UNC5D: variants seen among roughly 807,000 people sequenced by gnomAD.
UNC5D encodes netrin receptor UNC5D.
In UNC5D, 39 loss-of-function variants were observed where a neutral mutation model predicts 105.4. The observed-to-expected ratio is 0.37, with a 90% CI of 0.29 to 0.48. The LOEUF (loss-of-function observed/expected upper bound fraction) is 0.48. UNC5D is among the 20% of genes least tolerant of loss of function. The pLI is 0.98. For missense variants in UNC5D, 991 were observed against 1,202.4 expected (o/e 0.82, Z 2.60); for synonymous variants, 452 against 450.4 (o/e 1.00, Z -0.04).
rs34641053 is a variant in UNC5D at position 35,631,313 on chromosome 8, CA to C, written c.570+35670del. Among the ~76,000 whole-genome samples, 963 of 145,696 alleles carry C rather than the reference CA, an allele frequency of 6.6e-3. 7 individuals are homozygous for C. The highest frequency in any genetic ancestry group is 0.023 in the African/African-American group (918 of 39,646). ...TGGGCAACAGAGTGAGACCCTGTCT[CA>C]AAAAAAAAAAAAATCATTTGGCCTG... is the stretch of plus-strand genomic sequence containing the variant. On this transcript the variant is annotated intron_variant, in intron 4 of 16. Coordinates refer to ENST00000404895, the MANE Select transcript of UNC5D (RefSeq NM_080872.4).
chr8:35,569,435 T>G lies in UNC5D; in HGVS notation c.466+1194T>G, dbSNP rs369652272. 3.9e-5 allele frequency among the ~76,000 whole-genome samples: 6 copies of G among 152,084 alleles called. No homozygotes were observed. The East Asian group carries it at 9.7e-4, about 25-fold the overall frequency. ...ATGGTTTAGAGATTAATAATAGGAG[T>G]GAATTGCTATTTGCAGAGACATTTA... On this transcript the variant is annotated intron_variant, in intron 3 of 16. Transcript: ENST00000404895.
intron 4 of UNC5D, among the ~76,000 whole-genome samples, chr8:35,656,797 A>T (rs1300349783): frequency 6.6e-6 from 1 of 152,092 alleles, no homozygotes; most frequent in East Asian, 1.9e-4. Context: ...AGCACAGTTC[A>T]GGAAGAATTT....
At chr8:35,281,430 T>C (rs1475614140) in intron 1 of UNC5D, among the ~76,000 whole-genome samples, 2 of 151,924 alleles carry the variant, frequency 1.3e-5, no homozygotes, top group Non-Finnish European at 1.5e-5. Context: ...TTCTTTTTTT[T>C]TTTTTGCCAA....
chr8:35,441,876 A>T (rs977048628), intron 1 of UNC5D, among the ~76,000 whole-genome samples: 11 of 151,770 alleles, frequency 7.2e-5, no homozygotes, highest in Non-Finnish European at 1.6e-4. Context: ...ACCAACAAGA[A>T]GCAGAAATTC....
chr8:35,675,029 AC>A (rs1419372254), intron 4 of UNC5D, among the ~76,000 whole-genome samples: 8 of 152,246 alleles, frequency 5.3e-5, no homozygotes, highest in African/African-American at 1.9e-4. Context: ...TCTTCCCAAG[AC>A]GTTTTTTACT....
intron 1 of UNC5D, among the ~76,000 whole-genome samples, chr8:35,504,377 G>C (rs1441706747): frequency 2.6e-5 from 4 of 152,104 alleles, no homozygotes; most frequent in Non-Finnish European, 4.4e-5. Flanking sequence ...GCCTCTCATG[G>C]GTGCTATGCA....
chr8:35,680,400 T>G (rs1341335055), intron 4 of UNC5D, among the ~76,000 whole-genome samples: 3 of 152,196 alleles, frequency 2.0e-5, no homozygotes, highest in African/African-American at 7.2e-5. Context: ...AATTGTTTAA[T>G]TGTCATGTGT....
At chr8:35,609,712 T>C (rs1820549203) in intron 4 of UNC5D, among the ~76,000 whole-genome samples, 1 of 152,224 alleles carries the variant, frequency 6.6e-6, no homozygotes, top group Non-Finnish European at 1.5e-5. Flanking sequence ...TGTGAAATGC[T>C]AACAGTCAAA....
chr8:35,749,383 G>A (rs533478288), intron 12 of UNC5D, among the ~76,000 whole-genome samples: 9 of 152,152 alleles, frequency 5.9e-5, no homozygotes, highest in Non-Finnish European at 1.2e-4. Flanking sequence ...CTTCCTTTAT[G>A]TCCATCTGCA....
intron 1 of UNC5D, among the ~76,000 whole-genome samples, chr8:35,513,143 C>G (rs1179208676): frequency 6.6e-6 from 1 of 151,880 alleles, no homozygotes; most frequent in Non-Finnish European, 1.5e-5. Flanking sequence ...ACTTGCTATT[C>G]TGGGTTTGAC....
chr8:35,357,592 T>C (rs1457690910), intron 1 of UNC5D, among the ~76,000 whole-genome samples: 1 of 152,172 alleles, frequency 6.6e-6, no homozygotes, highest in Non-Finnish European at 1.5e-5. Flanking sequence ...TATTACTGTG[T>C]TGGCTTTGCT....
chr8:35,329,177 C>A (rs527863725), intron 1 of UNC5D, among the ~76,000 whole-genome samples: 5 of 152,154 alleles, frequency 3.3e-5, no homozygotes, highest in Non-Finnish European at 7.4e-5. Context: ...AAATTGTGCT[C>A]AGAGAGGTTA....
At chr8:35,419,327 C>G (rs772657128) in intron 1 of UNC5D, among the ~76,000 whole-genome samples, 3 of 152,172 alleles carry the variant, frequency 2.0e-5, no homozygotes, top group African/African-American at 7.2e-5. Flanking sequence ...CACCGTTGGG[C>G]TAGTTCTTCC....
intron 1 of UNC5D, among the ~76,000 whole-genome samples, chr8:35,307,109 T>A (rs1808481604): frequency 2.0e-5 from 2 of 100,004 alleles, no homozygotes; most frequent in South Asian, 8.8e-4. Flanking sequence ...TGATAGCTGA[T>A]GAGCTAAAAA....
At chr8:35,493,002 A>G (rs901531804) in intron 1 of UNC5D, among the ~76,000 whole-genome samples, 1 of 152,098 alleles carries the variant, frequency 6.6e-6, no homozygotes, top group Non-Finnish European at 1.5e-5. Context: ...TAGGGTGGGG[A>G]TCGTAAGACA....
At chr8:35,721,374 A>G in intron 8 of UNC5D, 3 of 702,292 alleles carry the variant, frequency 4.3e-6, no homozygotes, top group Non-Finnish European at 7.8e-6. Flanking sequence ...CAGCTATAGC[A>G]CATCTTGCGG....
At chr8:35,430,404 T>C (rs551655230) in intron 1 of UNC5D, among the ~76,000 whole-genome samples, 1 of 152,252 alleles carries the variant, frequency 6.6e-6, no homozygotes, top group South Asian at 2.1e-4. Flanking sequence ...CTTTGTAATA[T>C]CCTTTATAAT....
At chr8:35,715,872 T>A (rs1205048823) in intron 8 of UNC5D, among the ~76,000 whole-genome samples, 1 of 151,356 alleles carries the variant, frequency 6.6e-6, no homozygotes, top group Admixed American at 6.6e-5. Context: ...CATAGGATGG[T>A]CTCCATATTT....
At chr8:35,512,802 A>C (rs1812845586) in intron 1 of UNC5D, among the ~76,000 whole-genome samples, 1 of 151,710 alleles carries the variant, frequency 6.6e-6, no homozygotes, top group African/African-American at 2.4e-5. Context: ...TTTTGTTATA[A>C]AAATTTATAA....
Sources: allele counts gnomAD v4.1 joint callset (sites outside exome capture counted in the v4.1 genomes callset), GRCh38; gene constraint gnomAD v4.1.1; transcripts MANE v1.5; gene names NCBI Gene and HGNC (gene_info 2026-07-23, HGNC 2026-07-21).